The following RSRC1 variants were observed in gnomAD, a reference collection of about 807,000 sequenced individuals.
The protein encoded by RSRC1 is serine/Arginine-related protein 53.
RSRC1 carries 39 observed loss-of-function variants against 49.1 expected under a neutral mutation model. The ratio of observed to expected loss-of-function variants is 0.79; its 90% CI spans 0.61 to 1.04. The LOEUF (loss-of-function observed/expected upper bound fraction) is 1.04. Among genes scored for constraint, RSRC1 ranks in the 50% least tolerant of loss-of-function variants. The probability of loss-of-function intolerance (pLI) is 0.00; values close to 1 mark genes in which losing one functional copy is unlikely to be tolerated. For synonymous variants in RSRC1, 143 were observed against 130.8 expected (o/e 1.09, Z -0.63); for missense variants, 388 against 402.4 (o/e 0.96, Z 0.31).
chr3:158,214,571 A>G (rs1412524100), intron 4 of RSRC1, among the ~76,000 whole-genome samples: 4 of 151,590 alleles, frequency 2.6e-5, no homozygotes, highest in Non-Finnish European at 5.9e-5. Context: ...AGTGATATAA[A>G]TGTCTTTCTA....
chr3:158,529,977 T>C (rs1397558290), intron 7 of RSRC1, among the ~76,000 whole-genome samples: 3 of 151,898 alleles, frequency 2.0e-5, no homozygotes, highest in Admixed American at 1.3e-4. Context: ...GCTGGGCCTT[T>C]TGTGCCTTCT....
At chr3:158,166,827 G>A (rs1718567774) in intron 3 of RSRC1, among the ~76,000 whole-genome samples, 1 of 152,064 alleles carries the variant, frequency 6.6e-6, no homozygotes. Context: ...AATACCTTTT[G>A]AATATTTTGA....
chr3:158,192,203 C>T (rs1295137793), intron 3 of RSRC1, among the ~76,000 whole-genome samples: 3 of 151,978 alleles, frequency 2.0e-5, no homozygotes, highest in Admixed American at 6.6e-5. Context: ...TTATTCTGTG[C>T]ATACTGTGCA....
At chr3:158,443,208 G>C (rs775355688) in intron 6 of RSRC1, among the ~76,000 whole-genome samples, 3 of 152,082 alleles carry the variant, frequency 2.0e-5, no homozygotes, top group Non-Finnish European at 4.4e-5. Context: ...GAGTCAGCTT[G>C]TCCTTTGAAG....
At chr3:158,352,536 C>T (rs1035530240) in intron 5 of RSRC1, among the ~76,000 whole-genome samples, 2 of 152,126 alleles carry the variant, frequency 1.3e-5, no homozygotes, top group Admixed American at 6.5e-5. Flanking sequence ...ATATCTTAAC[C>T]AGTAAAATGT....
At position 158,116,107 on chromosome 3, in the gene RSRC1, C is replaced by T. The variant is rs114841073; in HGVS notation, c.-3+5884C>T. On this transcript the variant is annotated intron_variant, in intron 1 of 9. Coordinates refer to ENST00000611884, the MANE Select transcript of RSRC1 (RefSeq NM_001271838.2). The stretch of plus-strand genomic sequence containing the variant: ...AAAAATTCATGTTTGTTAATGTCAC[C>T]GATGATCTCGGAAGTTTTTAAGTAT... Among the ~76,000 whole-genome samples, 1,170 of 152,122 alleles carry T rather than the reference C, an allele frequency of 7.7e-3. 13 individuals are homozygous for T. Among genetic ancestry groups the T allele is most frequent in the African/African-American group, 0.027 (1,111 of 41,510 alleles).
chr3:158,420,357 A>T (rs1734974989), intron 6 of RSRC1, among the ~76,000 whole-genome samples: 1 of 152,008 alleles, frequency 6.6e-6, no homozygotes, highest in Admixed American at 6.6e-5. Context: ...CTTGAGACAC[A>T]GTAAATTAGC....
rs889065202 is a variant in RSRC1, at chr3:158,247,217, A to G, written c.494+43972A>G. 2.0e-5 allele frequency among the ~76,000 whole-genome samples: 3 copies of G among 152,008 alleles called. No homozygotes were observed. The South Asian group carries it at 6.2e-4, about 32-fold the overall frequency. Reference sequence around the variant, plus strand: ...TTGTGAGGTTATACTGTGTTTTTCAATTCTAACTGGTCAGTTATGTTCCTC... The same window carrying G: ...TTGTGAGGTTATACTGTGTTTTTCAGTTCTAACTGGTCAGTTATGTTCCTC... On this transcript the variant is annotated intron_variant, in intron 4 of 9. Transcript: ENST00000611884.
chr3:158,364,967 TTAGCAGC>T (rs1731682310), intron 6 of RSRC1, among the ~76,000 whole-genome samples: 1 of 151,902 alleles, frequency 6.6e-6, no homozygotes, highest in Non-Finnish European at 1.5e-5. Flanking sequence ...AATAAAGTCT[TTAGCAGC>T]TAGCATATAA....
chr3:158,301,906 C>T (rs1350410807), intron 5 of RSRC1, among the ~76,000 whole-genome samples: 1 of 149,892 alleles, frequency 6.7e-6, no homozygotes, highest in Non-Finnish European at 1.5e-5. Flanking sequence ...CTAGCCTGTT[C>T]TCCTCCACCC....
intron 4 of RSRC1, among the ~76,000 whole-genome samples, chr3:158,273,614 A>G (rs2108060134): frequency 6.6e-6 from 1 of 152,254 alleles, no homozygotes; most frequent in Middle Eastern, 3.4e-3. Flanking sequence ...AACATGTATT[A>G]TATTGATATG....
In RSRC1 at chr3:158,537,210, T is replaced by C; in HGVS notation, c.759+12T>C. On this transcript the variant is annotated intron_variant, in intron 8 of 9. Coordinates refer to ENST00000611884, the MANE Select transcript of RSRC1 (RefSeq NM_001271838.2). ...AAGAAGTCAAAAAGGTAAGTTTTTA[T>C]CCACCCATTATGAGTAAACCTTTGG... 1 of 1,507,610 alleles carries C rather than the reference T, an allele frequency of 6.6e-7. No individual in the cohort carries two copies. Among genetic ancestry groups the C allele is most frequent in the Non-Finnish European group, 9.0e-7 (1 of 1,107,990 alleles). The allele number at this position is 1,507,610 out of a possible 1,614,324, so 93.4% of individuals were successfully genotyped here. A position where few individuals can be genotyped will look rare whatever the true frequency, so the allele number is the denominator to read the frequency against.
At chr3:158,282,504 T>C (rs909079787) in intron 4 of RSRC1, among the ~76,000 whole-genome samples, 2 of 152,240 alleles carry the variant, frequency 1.3e-5, no homozygotes, top group Non-Finnish European at 2.9e-5. Flanking sequence ...TGTGTAGTAA[T>C]GGTGATGTTG....
At chr3:158,355,811 C>T (rs1406585169) in intron 6 of RSRC1, among the ~76,000 whole-genome samples, 3 of 151,916 alleles carry the variant, frequency 2.0e-5, no homozygotes, top group African/African-American at 7.2e-5. Context: ...GTCTTCCAAG[C>T]GTCCAGTTGG....
At chr3:158,275,095 C>G (rs1725734987) in intron 4 of RSRC1, among the ~76,000 whole-genome samples, 1 of 152,174 alleles carries the variant, frequency 6.6e-6, no homozygotes, top group South Asian at 2.1e-4. Context: ...TCACCAGCTT[C>G]CCACCCTAGC....
intron 3 of RSRC1, among the ~76,000 whole-genome samples, chr3:158,195,342 G>GT (rs1196792151): frequency 3.3e-5 from 3 of 90,196 alleles, no homozygotes; most frequent in East Asian, 4.3e-4. Context: ...TGTTGATGGG[G>GT]TTGTTTTTTT....
chr3:158,220,836 C>T (rs762795470), intron 4 of RSRC1, among the ~76,000 whole-genome samples: 7 of 151,552 alleles, frequency 4.6e-5, no homozygotes, highest in Non-Finnish European at 1.0e-4. Context: ...AGACACCCTG[C>T]AGATAACTGA....
chr3:158,307,563 T>C (rs1446689640), intron 5 of RSRC1, among the ~76,000 whole-genome samples: 5 of 151,872 alleles, frequency 3.3e-5, no homozygotes, highest in Admixed American at 3.3e-4. Flanking sequence ...ACTCTAAATA[T>C]TTTAGCAATA....
chr3:158,337,130 C>G (rs965358481), intron 5 of RSRC1, among the ~76,000 whole-genome samples: 7 of 152,214 alleles, frequency 4.6e-5, no homozygotes, highest in Non-Finnish European at 1.0e-4. Flanking sequence ...AGAACAGGTC[C>G]TCTGCCATGT....
Sources: gnomAD v4.1 joint callset for allele counts (sites outside exome capture counted in the v4.1 genomes callset) on GRCh38, gnomAD v4.1.1 for gene constraint, MANE v1.5 for transcripts, NCBI Gene and HGNC (gene_info 2026-07-23, HGNC 2026-07-21) for gene names.